PKHD1: variants seen among roughly 807,000 people sequenced by gnomAD.
PKHD1 encodes the protein PKHD1 ciliary IPT domain containing fibrocystin/polyductin.
Under a neutral mutation model 412.0 loss-of-function variants are expected in PKHD1, and 291 were observed. The ratio of observed to expected loss-of-function variants is 0.71; its 90% confidence interval spans 0.64 to 0.78. The LOEUF (loss-of-function observed/expected upper bound fraction) is 0.78. PKHD1 is among the 30% of genes least tolerant of loss of function. The probability of loss-of-function intolerance (pLI) is 0.00; values close to 1 mark genes in which losing one functional copy is unlikely to be tolerated. For synonymous variants in PKHD1, 1,777 were observed against 1,821.5 expected (o/e 0.98, Z 0.62); for missense variants, 4,825 against 4,950.7 (o/e 0.97, Z 0.76).
chr6:51,932,623 G>T (rs1443989826), intron 37 of PKHD1, among the ~76,000 whole-genome samples: 1 of 152,166 alleles, frequency 6.6e-6, no homozygotes, highest in African/African-American at 2.4e-5. Flanking sequence ...ATAGATCCTG[G>T]GCTACAAAAT....
rs147907321 is a variant in PKHD1, at chr6:51,793,734, T to C, written c.8303-2361A>G. ...CTTTTTATGGCTGCATAGTATTCCA[T>C]TGTATCTATGTACCACATTTTCTGT... is the stretch of plus-strand genomic sequence containing the variant. On this transcript the variant is annotated intron_variant, in intron 52 of 66. Coordinates refer to ENST00000371117, the MANE Select transcript of PKHD1 (RefSeq NM_138694.4). Among the ~76,000 whole-genome samples, 433 of 152,364 alleles carry C rather than the reference T, an allele frequency of 2.8e-3. 1 individual carries two copies. Among genetic ancestry groups the C allele is most frequent in the African/African-American group, 1.0e-2 (414 of 41,588 alleles).
intron 25 of PKHD1, among the ~76,000 whole-genome samples, chr6:52,044,478 T>C (rs1805460654): frequency 6.6e-6 from 1 of 152,190 alleles, no homozygotes; most frequent in African/African-American, 2.4e-5. Context: ...AATATAAATA[T>C]ATCAGAATGT....
intron 53 of PKHD1, among the ~76,000 whole-genome samples, chr6:51,783,396 C>T (rs9395717): frequency 1.1e-4 from 4 of 37,480 alleles, no homozygotes; most frequent in Non-Finnish European, 3.1e-4. Context: ...TATTTAAATA[C>T]TATATTTATT....
chr6:52,006,923 T>C (rs945697512), intron 35 of PKHD1, among the ~76,000 whole-genome samples: 1 of 152,194 alleles, frequency 6.6e-6, no homozygotes, highest in African/African-American at 2.4e-5. Context: ...CTCCCACTTA[T>C]GAGTAAGAAC....
intron 27 of PKHD1, among the ~76,000 whole-genome samples, chr6:52,038,418 T>C (rs1161816731): frequency 1.3e-5 from 2 of 150,384 alleles, no homozygotes; most frequent in African/African-American, 2.4e-5. Context: ...AGGGGGAAAT[T>C]TGGACACAAG....
chr6:51,874,450 G>A (rs1395505049), intron 46 of PKHD1, among the ~76,000 whole-genome samples: 1 of 152,044 alleles, frequency 6.6e-6, no homozygotes. Flanking sequence ...CAATACAAAG[G>A]TAACATTGGC....
rs1043167718 is a variant in PKHD1 at position 51,818,796 on chromosome 6, T to G, written c.8302+12065A>C. ...CCTTTCTCCTTTCTGCTGCCTGGAA[T>G]GCGGCTGCAATGGCTGGTGCTCCAG... On this transcript the variant is annotated intron_variant, in intron 52 of 66. Coordinates refer to ENST00000371117, the MANE Select transcript of PKHD1 (RefSeq NM_138694.4). Among the ~76,000 whole-genome samples the G allele has an allele frequency of 2.0e-5, 3 of 152,104 alleles. 1 individual carries two copies. The highest frequency in any genetic ancestry group is 4.1e-4 in the South Asian group (2 of 4,820).
chr6:51,982,802 T>C (rs944290487), intron 35 of PKHD1, among the ~76,000 whole-genome samples: 7 of 47,662 alleles, frequency 1.5e-4, no homozygotes, highest in Non-Finnish European at 3.3e-4. Flanking sequence ...CCAAGAATGA[T>C]CAATAAAAAA....
chr6:52,069,453 G>A lies in PKHD1; in HGVS notation c.778+4C>T. 6.2e-7 allele frequency: 1 copy of A among 1,600,176 alleles called. No homozygotes were observed. The highest frequency in any genetic ancestry group is 8.6e-7 in the Non-Finnish European group (1 of 1,167,204). On this transcript the variant is annotated splice_donor_region_variant and intron_variant, in intron 11 of 66. Transcript: ENST00000371117. ...AAGGGGTACTTGGTGAAGGGGGATAGTACCTGAGTGTGTCTGGTATAGGAA... is the reference window on the plus strand; with the variant it reads ...AAGGGGTACTTGGTGAAGGGGGATAATACCTGAGTGTGTCTGGTATAGGAA...
chr6:51,998,871 G>T (rs1049494835), intron 35 of PKHD1, among the ~76,000 whole-genome samples: 1 of 152,002 alleles, frequency 6.6e-6, no homozygotes, highest in African/African-American at 2.4e-5. Flanking sequence ...TTACATTTAT[G>T]TTGGCTCCAT....
chr6:52,052,817 C>A (rs1807076860), intron 21 of PKHD1, among the ~76,000 whole-genome samples: 2 of 152,008 alleles, frequency 1.3e-5, no homozygotes, highest in African/African-American at 4.8e-5. Context: ...GACTTCCCAG[C>A]AAGAAAGTGG....
At chr6:51,815,623 C>T (rs59793652) in intron 52 of PKHD1, among the ~76,000 whole-genome samples, 7,716 of 152,090 alleles carry the variant, frequency 0.051, 709 homozygotes, top group African/African-American at 0.18. Flanking sequence ...GAACAGCAGA[C>T]GATGAGGCCA....
intron 66 of PKHD1, among the ~76,000 whole-genome samples, chr6:51,624,849 A>G (rs1767046026): frequency 6.6e-6 from 1 of 152,208 alleles, no homozygotes; most frequent in African/African-American, 2.4e-5. Flanking sequence ...GTCAACAGGG[A>G]GTCAGATTTA....
chr6:51,833,746 T>C (rs986315410), intron 51 of PKHD1, among the ~76,000 whole-genome samples: 2 of 152,152 alleles, frequency 1.3e-5, no homozygotes, highest in African/African-American at 4.8e-5. Context: ...GAAACCATAT[T>C]ACAGTGGATT....
At chr6:51,828,169 G>T (rs1767647063) in intron 52 of PKHD1, among the ~76,000 whole-genome samples, 1 of 152,042 alleles carries the variant, frequency 6.6e-6, no homozygotes, top group Non-Finnish European at 1.5e-5. Context: ...AGATATCAGA[G>T]CAGGTATTGA....
intron 23 of PKHD1, 71 bp downstream of exon 23, chr6:52,048,421 A>T (rs1806203316): frequency 2.8e-6 from 4 of 1,422,998 alleles, no homozygotes; most frequent in Non-Finnish European, 4.0e-6. Flanking sequence ...ACCTCCCAGG[A>T]TGTTGTTCCC....
intron 41 of PKHD1, among the ~76,000 whole-genome samples, chr6:51,905,234 C>A (rs908809628): frequency 6.6e-6 from 1 of 152,118 alleles, no homozygotes; most frequent in Non-Finnish European, 1.5e-5. Context: ...ACTGGAGACC[C>A]TTTGTTTCTT....
intron 37 of PKHD1, among the ~76,000 whole-genome samples, chr6:51,922,990 T>C (rs914397427): frequency 4.6e-5 from 7 of 152,102 alleles, no homozygotes; most frequent in East Asian, 1.9e-4. Flanking sequence ...AGTACCTCAG[T>C]TGGAAATGCA....
rs753265512 is a variant in PKHD1 at position 52,054,202 on chromosome 6, G to A, written c.1837-37C>T. On this transcript the variant is annotated intron_variant, in intron 19 of 66. Transcript: ENST00000371117. Reference sequence around the variant, plus strand: ...AAATAAGTCCTTCAGTTCTATTAGTGCAAGAAGCAGTCATTCAAACAATAC... The same window carrying A: ...AAATAAGTCCTTCAGTTCTATTAGTACAAGAAGCAGTCATTCAAACAATAC... 5 of 1,607,648 alleles carry A rather than the reference G, an allele frequency of 3.1e-6. No homozygotes were observed. In the African/African-American group the frequency reaches 6.7e-5, roughly 22 times the overall value.
Sources: allele counts gnomAD v4.1 joint callset (sites outside exome capture counted in the v4.1 genomes callset), GRCh38; gene constraint gnomAD v4.1.1; transcripts MANE v1.5; gene names NCBI Gene and HGNC (gene_info 2026-07-23, HGNC 2026-07-21).